The following AKAP13 variants were observed in gnomAD, a reference collection of about 807,000 sequenced individuals.
AKAP13 encodes A-kinase anchor protein 13.
A neutral mutation model predicts 264.5 loss-of-function variants in AKAP13; 80 were observed. That is an observed-to-expected ratio of 0.30 (90% CI 0.25 to 0.36). The LOEUF (loss-of-function observed/expected upper bound fraction) is 0.36, where lower values mean the gene tolerates loss of function less well. Among genes scored for constraint, AKAP13 ranks in the 10% least tolerant of loss-of-function variants. AKAP13 has a pLI of 1.00. For missense variants in AKAP13, 3,712 were observed against 3,435.2 expected (o/e 1.08, Z -2.01); for synonymous variants, 1,380 against 1,250.2 (o/e 1.10, Z -2.19).
At chr15:85,381,265 G>A (rs957323441) in intron 1 of AKAP13, among the ~76,000 whole-genome samples, 226 of 152,168 alleles carry the variant, frequency 1.5e-3, no homozygotes, top group African/African-American at 5.0e-3. Context: ...AACAAGTGCT[G>A]CGGGCGCGAG....
intron 1 of AKAP13, among the ~76,000 whole-genome samples, chr15:85,387,663 A>G (rs534144202): frequency 4.6e-4 from 63 of 137,990 alleles, no homozygotes; most frequent in African/African-American, 1.5e-3. Context: ...GAAGCTGGAA[A>G]TCAGTTAGGG....
intron 3 of AKAP13, among the ~76,000 whole-genome samples, chr15:85,530,167 C>T (rs890956777): frequency 5.3e-5 from 8 of 152,174 alleles, no homozygotes; most frequent in Admixed American, 2.0e-4. Context: ...GCACAACCCC[C>T]GCGCCCCAAC....
chr15:85,448,217 G>T (rs1048578355), intron 1 of AKAP13, among the ~76,000 whole-genome samples: 4 of 151,948 alleles, frequency 2.6e-5, no homozygotes, highest in Admixed American at 6.6e-5. Context: ...TTTTAATAGG[G>T]TTGTTTGTTT....
chr15:85,408,951 C>G (rs182157883), intron 1 of AKAP13, among the ~76,000 whole-genome samples: 2 of 151,648 alleles, frequency 1.3e-5, no homozygotes, highest in African/African-American at 2.4e-5. Flanking sequence ...CAGCAGTGCA[C>G]AAGTGTTCCA....
chr15:85,494,413 G>T lies in AKAP13; in HGVS notation c.33+8660G>T, dbSNP rs549627248. ...CTGTCTAGGCCAGGCCTGAAGCTCT[G>T]CAAGGTACAAGGAAATAATAGCTGT... On this transcript the variant is annotated intron_variant, in intron 2 of 36. Transcript: ENST00000394518. Among the ~76,000 whole-genome samples, 154 of 152,190 alleles carry T rather than the reference G, an allele frequency of 1.0e-3. 1 individual carries two copies. Among genetic ancestry groups the T allele is most frequent in the Middle Eastern group, 3.2e-3 (1 of 316 alleles).
Position 85,655,473 on chromosome 15 carries a change from C to G in AKAP13, c.4431C>G (p.Asp1477Glu). The G allele has an allele frequency of 6.2e-7, 1 of 1,614,206 alleles. No homozygotes were observed. Among genetic ancestry groups the G allele is most frequent in the African/African-American group, 1.3e-5 (1 of 75,042 alleles). The change falls in exon 11 of 37, where the codon GAC becomes GAG. Residue 1477 changes from aspartate to glutamate, a missense_variant. Asp to Glu is a conservative substitution (Grantham distance 45, BLOSUM62 2). Around this residue, in one of 3 missense-constraint regions of AKAP13, gnomAD observed 2,759 missense variants for 2,411.7 expected, o/e 1.14. Coordinates refer to ENST00000394518, the MANE Select transcript of AKAP13 (RefSeq NM_007200.5). ...CCGGATCCAGTTCATCCACCGATGA[C>G]ACGGCTTCACTGGACCGACATTCTT... ...DITGSSSSTDDTASLDRHSSH... is the reference protein window; with the variant it reads ...DITGSSSSTDETASLDRHSSH...
At chr15:85,620,104 C>T in intron 8 of AKAP13, 2 of 1,536,066 alleles carry the variant, frequency 1.3e-6, no homozygotes, top group Non-Finnish European at 1.7e-6. Context: ...GTATGAACGG[C>T]ACAAGAGGCG....
At chr15:85,431,207 T>C (rs2073011257) in intron 1 of AKAP13, among the ~76,000 whole-genome samples, 1 of 152,212 alleles carries the variant, frequency 6.6e-6, no homozygotes. Context: ...CATTATAACA[T>C]TGTTTAGAAG....
At chr15:85,438,387 A>G (rs1463447542) in intron 1 of AKAP13, among the ~76,000 whole-genome samples, 7 of 151,630 alleles carry the variant, frequency 4.6e-5, no homozygotes, top group Admixed American at 4.6e-4. Flanking sequence ...AAATGGCCAT[A>G]CTTCCCAAGG....
Position 85,388,687 on chromosome 15 carries a change from C to T in AKAP13, c.-12+7889C>T, listed in dbSNP as rs554124969. Among the ~76,000 whole-genome samples the T allele has an allele frequency of 1.2e-4, 18 of 152,258 alleles. No homozygotes were observed. The East Asian group carries it at 3.1e-3, about 26-fold the overall frequency. On this transcript the variant is annotated intron_variant, in intron 1 of 36. Transcript: ENST00000394518. ...AGCTTTGCATTCTTGTGATAATACTCATTTAGTCGTGATGTATTATTTTTT... is the reference window on the plus strand; with the variant it reads ...AGCTTTGCATTCTTGTGATAATACTTATTTAGTCGTGATGTATTATTTTTT...
intron 8 of AKAP13, among the ~76,000 whole-genome samples, chr15:85,596,489 G>A (rs1204396903): frequency 6.6e-6 from 1 of 152,006 alleles, no homozygotes; most frequent in Non-Finnish European, 1.5e-5. Flanking sequence ...AGGCTGAGGT[G>A]GGAGGATCAT....
chr15:85,716,934 G>A (rs1278105846), intron 20 of AKAP13, among the ~76,000 whole-genome samples: 2 of 152,210 alleles, frequency 1.3e-5, no homozygotes, highest in African/African-American at 4.8e-5. Flanking sequence ...TAGATCTGTA[G>A]TTATCTAGAG....
Position 85,583,177 on chromosome 15 carries a change from C to G in AKAP13, c.4039+1070C>G. ...TAGGCTTTTGTAGGTAAGAAGCAGCCTGTTTTGTCTTTATTGTTTATTTTT... is the reference window on the plus strand; with the variant it reads ...TAGGCTTTTGTAGGTAAGAAGCAGCGTGTTTTGTCTTTATTGTTTATTTTT... On this transcript the variant is annotated intron_variant, in intron 7 of 36. Transcript: ENST00000394518. The G allele has an allele frequency of 3.0e-6, 3 of 985,280 alleles. No individual in the cohort carries two copies. The South Asian group carries it at 1.4e-4, about 46-fold the overall frequency. The allele number at this position is 985,280 out of a possible 1,614,324, so 61.0% of individuals were successfully genotyped here. A position where few individuals can be genotyped will look rare whatever the true frequency, so the allele number is the denominator to read the frequency against.
chr15:85,412,104 G>A (rs2072000888), intron 1 of AKAP13, among the ~76,000 whole-genome samples: 1 of 103,844 alleles, frequency 9.6e-6, no homozygotes, highest in Non-Finnish European at 2.0e-5. Context: ...AATGTATGAT[G>A]TTACAGCAAA....
In AKAP13 at chr15:85,617,292, C is replaced by G. The variant is rs143695646; in HGVS notation, c.4162-22082C>G. 6.3e-3 allele frequency among the ~76,000 whole-genome samples: 959 copies of G among 152,218 alleles called. 5 individuals are homozygous for G. The highest frequency in any genetic ancestry group is 0.011 in the Non-Finnish European group (769 of 68,002). On this transcript the variant is annotated intron_variant, in intron 8 of 36. Transcript: ENST00000394518. ...CGGAGTCTTGCTCTGTTGCCAGGCT[C>G]GAGTGCAGTGGCGCGATCTTGGCTC...
chr15:85,582,895 C>T (rs1382104326), intron 7 of AKAP13: 6 of 985,332 alleles, frequency 6.1e-6, no homozygotes, highest in African/African-American at 3.5e-5. Flanking sequence ...GAAGCAGCTG[C>T]ACTGAGCAGA....
chr15:85,606,833 G>T (rs547902124), intron 8 of AKAP13, among the ~76,000 whole-genome samples: 1 of 152,266 alleles, frequency 6.6e-6, no homozygotes, highest in South Asian at 2.1e-4. Context: ...GAGAGAAAAG[G>T]CCAGAGAAGT....
intron 4 of AKAP13, 130 bp downstream of exon 4, chr15:85,534,010 T>C (rs969973854): frequency 4.9e-6 from 5 of 1,029,146 alleles, no homozygotes; most frequent in Non-Finnish European, 5.5e-6. Flanking sequence ...TTAGAATTAC[T>C]GTAGGAAAGT....
At chr15:85,641,003 C>A (rs1294368435) in intron 9 of AKAP13, among the ~76,000 whole-genome samples, 1 of 152,134 alleles carries the variant, frequency 6.6e-6, no homozygotes, top group Non-Finnish European at 1.5e-5. Flanking sequence ...AACAGAATTG[C>A]AGATCAGAAT....
Sources: allele counts gnomAD v4.1 joint callset (sites outside exome capture counted in the v4.1 genomes callset), GRCh38; gene constraint gnomAD v4.1.1; regional missense constraint gnomAD v4.1.1; transcripts MANE v1.5; gene names NCBI Gene and HGNC (gene_info 2026-07-23, HGNC 2026-07-21).